RANBP17: variants seen among roughly 807,000 people sequenced by gnomAD.
The protein encoded by RANBP17 is RAN binding protein 17.
In RANBP17, 158 loss-of-function variants were observed where a neutral mutation model predicts 141.2. That is an observed-to-expected ratio of 1.12 (90% confidence interval 0.98 to 1.28). The LOEUF (loss-of-function observed/expected upper bound fraction) is 1.28, where lower values mean the gene tolerates loss of function less well. RANBP17 is among the 50% of genes most tolerant of loss of function. The pLI, the probability that RANBP17 is intolerant of heterozygous loss-of-function variation, is 0.00. For missense variants in RANBP17, 1,438 were observed against 1,290.7 expected (o/e 1.11, Z -1.75); for synonymous variants, 430 against 450.0 (o/e 0.96, Z 0.56).
intron 14 of RANBP17, among the ~76,000 whole-genome samples, chr5:171,097,647 AT>A (rs1561651359): frequency 7.6e-5 from 11 of 145,084 alleles, no homozygotes; most frequent in African/African-American, 2.8e-4. Context: ...TATTATTATT[AT>A]TATTATACTT....
intron 14 of RANBP17, among the ~76,000 whole-genome samples, chr5:171,144,604 A>G (rs555422799): frequency 6.6e-6 from 1 of 152,284 alleles, no homozygotes; most frequent in South Asian, 2.1e-4. Context: ...CCCAATGGCA[A>G]TAAGTGTTCA....
intron 14 of RANBP17, among the ~76,000 whole-genome samples, chr5:171,082,287 A>G (rs1785303113): frequency 6.6e-6 from 1 of 152,166 alleles, no homozygotes; most frequent in Non-Finnish European, 1.5e-5. Context: ...TAAAGGAATG[A>G]TGATTAATCA....
At chr5:171,070,055 C>T (rs1195310776) in intron 14 of RANBP17, among the ~76,000 whole-genome samples, 2 of 152,074 alleles carry the variant, frequency 1.3e-5, no homozygotes, top group African/African-American at 4.8e-5. Flanking sequence ...AAAACATGGC[C>T]TTAAAGGCTA....
chr5:170,970,704 T>A (rs1776925830), intron 14 of RANBP17: 1 of 152,148 alleles, frequency 6.6e-6, no homozygotes, highest in Non-Finnish European at 1.5e-5. Context: ...TTTTTTTAAA[T>A]CCATCTTTTA....
intron 14 of RANBP17, among the ~76,000 whole-genome samples, chr5:171,133,078 G>T (rs1035547476): frequency 2.0e-5 from 3 of 151,926 alleles, no homozygotes; most frequent in African/African-American, 7.3e-5. Context: ...TAGAGACAGG[G>T]TTTCACCTTT....
At chr5:170,952,683 A>G (rs1013394186) in intron 12 of RANBP17, among the ~76,000 whole-genome samples, 4 of 152,042 alleles carry the variant, frequency 2.6e-5, no homozygotes, top group African/African-American at 9.7e-5. Flanking sequence ...GCGTTTCTTA[A>G]TCAGAAACAA....
At chr5:171,080,637 T>G (rs1359537877) in intron 14 of RANBP17, among the ~76,000 whole-genome samples, 1 of 152,184 alleles carries the variant, frequency 6.6e-6, no homozygotes, top group East Asian at 1.9e-4. Flanking sequence ...CTTTTAAATC[T>G]TCACCAGAAA....
chr5:171,119,777 C>T (rs532636086), intron 14 of RANBP17, among the ~76,000 whole-genome samples: 1 of 152,222 alleles, frequency 6.6e-6, no homozygotes, highest in South Asian at 2.1e-4. Flanking sequence ...TGGTGGCTTA[C>T]ACCTGTAATC....
chr5:170,933,527 T>G (rs1773583794), intron 12 of RANBP17, among the ~76,000 whole-genome samples: 1 of 152,270 alleles, frequency 6.6e-6, no homozygotes, highest in South Asian at 2.1e-4. Context: ...TTTAGATCTT[T>G]CTAGCTTTCT....
chr5:171,041,531 T>A (rs1782249169), intron 14 of RANBP17, among the ~76,000 whole-genome samples: 1 of 152,150 alleles, frequency 6.6e-6, no homozygotes, highest in Admixed American at 6.6e-5. Flanking sequence ...AATTTTGTTG[T>A]TGTGGAAACG....
In RANBP17 at chr5:170,951,975, G is replaced by A. The variant is rs114378564; in HGVS notation, c.1469-1622G>A. On this transcript the variant is annotated intron_variant, in intron 12 of 27. Coordinates refer to ENST00000523189, the MANE Select transcript of RANBP17 (RefSeq NM_022897.5). Reference sequence around the variant, plus strand: ...GATATTTGTTAGTGTTGTTGATGATGTAAGATGTAAAGGTGAATGCTTTCA... The same window carrying A: ...GATATTTGTTAGTGTTGTTGATGATATAAGATGTAAAGGTGAATGCTTTCA... Among the ~76,000 whole-genome samples the A allele has an allele frequency of 3.4e-3, 519 of 152,108 alleles. 4 individuals are homozygous for A. The highest frequency in any genetic ancestry group is 0.012 in the African/African-American group (495 of 41,526).
chr5:171,229,324 T>C (rs780712846), intron 22 of RANBP17, among the ~76,000 whole-genome samples: 1 of 152,240 alleles, frequency 6.6e-6, no homozygotes, highest in Non-Finnish European at 1.5e-5. Context: ...GGATGATAGC[T>C]GAACACATGC....
chr5:171,014,923 A>G (rs1780328414), intron 14 of RANBP17, among the ~76,000 whole-genome samples: 1 of 152,098 alleles, frequency 6.6e-6, no homozygotes, highest in Admixed American at 6.6e-5. Context: ...GATGTTAACA[A>G]TGGTATATAA....
At chr5:171,290,380 A>AAG (rs1491233532) in intron 25 of RANBP17, among the ~76,000 whole-genome samples, 1 of 147,246 alleles carries the variant, frequency 6.8e-6, no homozygotes, top group East Asian at 1.9e-4. Context: ...AAAAAAAAAA[A>AAG]AGAAAGAAAG....
chr5:171,249,075 T>G (rs1364876493), intron 24 of RANBP17, among the ~76,000 whole-genome samples: 1 of 152,200 alleles, frequency 6.6e-6, no homozygotes, highest in Non-Finnish European at 1.5e-5. Flanking sequence ...GACTGAGACC[T>G]GCCTGGTTTC....
chr5:171,284,483 C>G (rs1768036305), intron 25 of RANBP17: 1 of 152,036 alleles, frequency 6.6e-6, no homozygotes. Flanking sequence ...CACCACCACA[C>G]CTGGCTAATT....
intron 25 of RANBP17, among the ~76,000 whole-genome samples, chr5:171,291,225 G>A (rs1364682715): frequency 6.6e-6 from 1 of 152,206 alleles, no homozygotes; most frequent in Non-Finnish European, 1.5e-5. Flanking sequence ...ATACAACTCT[G>A]CCTCAGAAAT....
intron 14 of RANBP17, among the ~76,000 whole-genome samples, chr5:171,115,858 G>C (rs1249480847): frequency 1.3e-5 from 2 of 152,180 alleles, no homozygotes; most frequent in Non-Finnish European, 2.9e-5. Flanking sequence ...AATGAAGTAT[G>C]AACTTGGTAT....
At chr5:170,892,574 G>A in intron 4 of RANBP17, 21 bp downstream of exon 4, 1 of 1,600,308 alleles carries the variant, frequency 6.2e-7, no homozygotes, top group Non-Finnish European at 8.5e-7. Flanking sequence ...ATTGCTACAT[G>A]GTTAGAACAT....
Sources: allele counts gnomAD v4.1 joint callset (sites outside exome capture counted in the v4.1 genomes callset), GRCh38; gene constraint gnomAD v4.1.1; transcripts MANE v1.5; gene names NCBI Gene and HGNC (gene_info 2026-07-23, HGNC 2026-07-21).